The following DNAJC3 variants were observed in gnomAD, a reference collection of about 807,000 sequenced individuals.
DNAJC3 encodes dnaJ homolog subfamily C member 3.
DNAJC3 carries 38 observed loss-of-function variants against 68.6 expected under a neutral mutation model. That is an observed-to-expected ratio of 0.55 (90% CI 0.43 to 0.73). The LOEUF (loss-of-function observed/expected upper bound fraction) is 0.73. Ranked by LOEUF, DNAJC3 falls within the 30% of genes least tolerant of loss-of-function variation. The probability of loss-of-function intolerance (pLI) is 0.00; values close to 1 mark genes in which losing one functional copy is unlikely to be tolerated. For synonymous variants in DNAJC3, 203 were observed against 204.0 expected, an observed-to-expected ratio of 1.00 and a Z score of 0.04; for missense variants, 526 against 591.9, an observed-to-expected ratio of 0.89 and a Z score of 1.16.
chr13:95,709,853 A>G (rs1421095057), intron 2 of DNAJC3, among the ~76,000 whole-genome samples: 1 of 151,942 alleles, frequency 6.6e-6, no homozygotes, highest in African/African-American at 2.4e-5. Flanking sequence ...ATTAGCCAGG[A>G]TGGTCTCCAT....
chr13:95,692,022 C>T (rs1880283362), intron 1 of DNAJC3, among the ~76,000 whole-genome samples: 1 of 151,786 alleles, frequency 6.6e-6, no homozygotes, highest in African/African-American at 2.4e-5. Flanking sequence ...CCAGCTTCAG[C>T]TCGGCATCAG....
intron 9 of DNAJC3, among the ~76,000 whole-genome samples, chr13:95,774,769 T>C (rs1018032404): frequency 1.3e-5 from 2 of 152,252 alleles, no homozygotes; most frequent in South Asian, 4.1e-4. Context: ...TGAAGTTTTA[T>C]ATGATATTAA....
intron 7 of DNAJC3, among the ~76,000 whole-genome samples, 183 bp from the exon 8 acceptor site, chr13:95,763,460 A>C (rs1882882775): frequency 6.6e-6 from 1 of 152,016 alleles, no homozygotes; most frequent in Non-Finnish European, 1.5e-5. Context: ...TTATTTCCTA[A>C]CTCTTAATTA....
At chr13:95,764,683 T>TATATACACAC (rs36030034) in intron 9 of DNAJC3, among the ~76,000 whole-genome samples, 4 of 88,280 alleles carry the variant, frequency 4.5e-5, no homozygotes, top group African/African-American at 9.9e-5. Context: ...TATATATATA[T>TATATACACAC]ACACACACAC....
Position 95,794,388 on chromosome 13 carries a change from C to T in DNAJC3, c.*3358C>T, listed in dbSNP as rs560321809. ...TTACAGACACGGCCCTGGTGATGGG[C>T]GTTGCAAAGTTTTCACTGAGCACAC... On this transcript the variant is annotated 3_prime_UTR_variant, in exon 12 of 12. Coordinates refer to ENST00000602402, the MANE Select transcript of DNAJC3 (RefSeq NM_006260.5). 3.9e-5 allele frequency: 6 copies of T among 152,248 alleles called. No individual in the cohort carries two copies. The highest frequency in any genetic ancestry group is 7.4e-5 in the Non-Finnish European group (5 of 68,020). The allele number at this position is 152,248 out of a possible 1,614,324, so 9.4% of individuals were successfully genotyped here. A position where few individuals can be genotyped will look rare whatever the true frequency, so the allele number is the denominator to read the frequency against.
intron 1 of DNAJC3, among the ~76,000 whole-genome samples, chr13:95,679,199 CTTTTTTTTT>C (rs3086610): frequency 4.6e-5 from 5 of 108,414 alleles, no homozygotes; most frequent in South Asian, 2.9e-4. Context: ...AAAATCAGCA[CTTTTTTTTT>C]TTTTTTTTTT....
At position 95,748,534 on chromosome 13, in the gene DNAJC3, G is replaced by A. The variant is rs185614161; in HGVS notation, c.394-9110G>A. Among the ~76,000 whole-genome samples, 42 of 151,994 alleles carry A rather than the reference G, an allele frequency of 2.8e-4. 1 individual carries two copies. In the East Asian group the frequency reaches 5.0e-3, roughly 18 times the overall value. ...CTAACTCAGAAATAACCAAAGTTTC[G>A]GCTGGGTGAGGTGGCTCACGCCTGT... On this transcript the variant is annotated intron_variant, in intron 4 of 11. Coordinates refer to ENST00000602402, the MANE Select transcript of DNAJC3 (RefSeq NM_006260.5).
At chr13:95,778,474 G>A (rs1883347378) in intron 9 of DNAJC3, among the ~76,000 whole-genome samples, 1 of 151,978 alleles carries the variant, frequency 6.6e-6, no homozygotes, top group Non-Finnish European at 1.5e-5. Flanking sequence ...CATATAAATT[G>A]GAATACAAAA....
intron 4 of DNAJC3, among the ~76,000 whole-genome samples, chr13:95,728,121 G>T (rs1299487864): frequency 6.6e-6 from 1 of 152,062 alleles, no homozygotes; most frequent in Non-Finnish European, 1.5e-5. Flanking sequence ...GGACATTTGG[G>T]TTGTTTCCAT....
At chr13:95,692,823 C>CT (rs560572728) in intron 1 of DNAJC3, 4,095 of 141,564 alleles carry the variant, frequency 0.029, 90 homozygotes, top group African/African-American at 0.053. Context: ...GCACCCATGC[C>CT]TTTTTTTTTT....
chr13:95,704,277 T>C (rs1222479997), intron 1 of DNAJC3, among the ~76,000 whole-genome samples: 1 of 152,168 alleles, frequency 6.6e-6, no homozygotes, highest in African/African-American at 2.4e-5. Flanking sequence ...GGTATAATAA[T>C]GAGAGGAGCC....
chr13:95,785,118 C>T (rs1258360040), intron 9 of DNAJC3, among the ~76,000 whole-genome samples: 1 of 152,252 alleles, frequency 6.6e-6, no homozygotes, highest in Admixed American at 6.5e-5. Flanking sequence ...ACAGTTCCTT[C>T]TGTTCCCTTT....
At position 95,792,353 on chromosome 13, in the gene DNAJC3, G is replaced by A. The variant is rs1463298096; in HGVS notation, c.*1323G>A. ...CTTGATGCTGCATTTGAAAGCTGAA[G>A]GAATTACTTTAGATAGATAGGAATT... On this transcript the variant is annotated 3_prime_UTR_variant, in exon 12 of 12. Coordinates refer to ENST00000602402, the MANE Select transcript of DNAJC3 (RefSeq NM_006260.5). 1 of 152,192 alleles carries A rather than the reference G, an allele frequency of 6.6e-6. No homozygotes were observed. The highest frequency in any genetic ancestry group is 1.9e-4 in the East Asian group (1 of 5,204). The allele number at this position is 152,192 out of a possible 1,614,324, so 9.4% of individuals were successfully genotyped here.
At chr13:95,732,685 G>A (rs1161418688) in intron 4 of DNAJC3, among the ~76,000 whole-genome samples, 1 of 151,512 alleles carries the variant, frequency 6.6e-6, no homozygotes, top group Non-Finnish European at 1.5e-5. Flanking sequence ...TAGTTCTGCT[G>A]TGATCTTTAT....
intron 1 of DNAJC3, among the ~76,000 whole-genome samples, chr13:95,696,096 A>G (rs769358808): frequency 3.9e-5 from 6 of 152,166 alleles, no homozygotes; most frequent in East Asian, 1.9e-4. Flanking sequence ...TTAATCAACT[A>G]TCACTCATTC....
rs966025968 is a variant in DNAJC3, at chr13:95,760,582, G to A, written c.729-97G>A. 8.9e-6 allele frequency: 13 copies of A among 1,455,708 alleles called. No homozygotes were observed. In the Admixed American group the frequency reaches 1.2e-4, roughly 13 times the overall value. 90.2% of individuals were successfully genotyped at this position (1,455,708 alleles called of 1,614,324 possible). On this transcript the variant is annotated intron_variant, in intron 6 of 11. Coordinates refer to ENST00000602402, the MANE Select transcript of DNAJC3 (RefSeq NM_006260.5). ...GTCTCAGTATGGTTTTTGTTTAATC[G>A]TTGCAAACAAAAAATACTTTTATTG... is the stretch of plus-strand genomic sequence containing the variant.
chr13:95,741,198 T>G (rs1882130623), intron 4 of DNAJC3, among the ~76,000 whole-genome samples: 1 of 152,234 alleles, frequency 6.6e-6, no homozygotes, highest in South Asian at 2.1e-4. Context: ...TCTTTGAATT[T>G]TTTGGATTTG....
chr13:95,680,026 TCC>T (rs1879872028), intron 1 of DNAJC3, among the ~76,000 whole-genome samples: 1 of 152,186 alleles, frequency 6.6e-6, no homozygotes, highest in African/African-American at 2.4e-5. Flanking sequence ...TTTGGCACCC[TCC>T]CTTCTCAAAG....
At chr13:95,693,622 A>G (rs570412779) in intron 1 of DNAJC3, 31 of 152,298 alleles carry the variant, frequency 2.0e-4, no homozygotes, top group African/African-American at 6.7e-4. Context: ...TTTGCTAGCA[A>G]TGGAGCTCAG....
Sources: allele counts gnomAD v4.1 joint callset (sites outside exome capture counted in the v4.1 genomes callset), GRCh38; gene constraint gnomAD v4.1.1; transcripts MANE v1.5; gene names NCBI Gene and HGNC (gene_info 2026-07-23, HGNC 2026-07-21).